The following PCDHA2 variants were observed in gnomAD, a reference collection of about 807,000 sequenced individuals.
The protein encoded by PCDHA2 is protocadherin alpha-2.
Under a neutral mutation model 66.0 loss-of-function variants are expected in PCDHA2, and 58 were observed. The observed-to-expected ratio is 0.88, with a 90% CI of 0.71 to 1.09. The LOEUF (loss-of-function observed/expected upper bound fraction) is 1.09, where lower values mean the gene tolerates loss of function less well. Among genes scored for constraint, PCDHA2 ranks in the 50% least tolerant of loss-of-function variants. PCDHA2 has a pLI of 0.00. For synonymous variants in PCDHA2, 634 were observed against 554.0 expected (o/e 1.14, Z -2.03); for missense variants, 1,267 against 1,242.3 (o/e 1.02, Z -0.30).
At chr5:141,005,469 C>T (rs549630927) in intron 3 of PCDHA2, among the ~76,000 whole-genome samples, 2 of 151,656 alleles carry the variant, frequency 1.3e-5, no homozygotes, top group South Asian at 2.1e-4. Flanking sequence ...TTTGGGAGGC[C>T]GAGACGGGCG....
At chr5:140,942,139 A>C (rs1211983428) in intron 1 of PCDHA2, among the ~76,000 whole-genome samples, 1 of 152,248 alleles carries the variant, frequency 6.6e-6, no homozygotes, top group Non-Finnish European at 1.5e-5. Context: ...TTGTGGCTTT[A>C]CTTGACATAA....
chr5:140,930,092 A>G (rs1554207604), intron 1 of PCDHA2: 1 of 152,204 alleles, frequency 6.6e-6, no homozygotes, highest in East Asian at 1.9e-4. Context: ...ACATCTATTT[A>G]TACTGATAGG....
At chr5:140,955,460 C>G (rs1051253944) in intron 1 of PCDHA2, among the ~76,000 whole-genome samples, 2 of 152,000 alleles carry the variant, frequency 1.3e-5, no homozygotes, top group Non-Finnish European at 2.9e-5. Flanking sequence ...GGGCTTTTTC[C>G]TTTTTGCTTG....
chr5:140,822,567 C>T (rs147998337), intron 1 of PCDHA2: 43 of 1,612,542 alleles, frequency 2.7e-5, no homozygotes, highest in African/African-American at 4.0e-5. Flanking sequence ...TTAAACTGAA[C>T]GCCTCAGATG....
At chr5:140,877,526 G>T (rs1554169807) in intron 1 of PCDHA2, 2 of 1,613,676 alleles carry the variant, frequency 1.2e-6, no homozygotes, top group African/African-American at 2.7e-5. Context: ...GCCTCAGTGG[G>T]CGCTGTGGAT....
At chr5:140,955,990 T>C (rs246015) in intron 1 of PCDHA2, among the ~76,000 whole-genome samples, 48,106 of 152,064 alleles carry the variant, frequency 0.32, 7,958 homozygotes, top group East Asian at 0.53. Context: ...TTTTTGCACA[T>C]TGATTTTGTA....
chr5:140,910,022 C>G (rs2074840302), intron 1 of PCDHA2, among the ~76,000 whole-genome samples: 1 of 152,174 alleles, frequency 6.6e-6, no homozygotes, highest in South Asian at 2.1e-4. Context: ...CCTTGTATCC[C>G]TGGGATAAAT....
chr5:140,865,866 C>G (rs1004604196), intron 1 of PCDHA2: 1 of 152,128 alleles, frequency 6.6e-6, no homozygotes, highest in Non-Finnish European at 1.5e-5. Context: ...AACATGGTCT[C>G]GGCTAGGAAA....
rs1459343581 is a variant in PCDHA2 at position 141,012,230 on chromosome 5, A to G, written c.*2293A>G. 1.3e-5 allele frequency: 2 copies of G among 153,766 alleles called. No individual in the cohort carries two copies. The highest frequency in any genetic ancestry group is 6.5e-5 in the Admixed American group (1 of 15,278). 9.5% of individuals were successfully genotyped at this position (153,766 alleles called of 1,614,324 possible). On this transcript the variant is annotated 3_prime_UTR_variant, in exon 4 of 4. Transcript: ENST00000526136. ...ACATTTGCGAAGTGCTTTCCAATCC[A>G]TGTTAGTTACTAGTTATTACAGCTG...
chr5:140,875,675 C>G, intron 1 of PCDHA2: 8 of 1,613,858 alleles, frequency 5.0e-6, no homozygotes, highest in Non-Finnish European at 6.8e-6. Context: ...CGGGTGGCGT[C>G]CAAAAGACAC....
chr5:140,814,945 C>T (rs1300851888), intron 1 of PCDHA2: 1 of 152,130 alleles, frequency 6.6e-6, no homozygotes, highest in Non-Finnish European at 1.5e-5. Context: ...TAATGTCCTT[C>T]TTTGTCTCTT....
rs1554120151 is a variant in PCDHA2 at position 140,796,845 on chromosome 5, C to T, written c.1881C>T (p.Tyr627=). 1.8e-5 allele frequency: 29 copies of T among 1,614,098 alleles called. No homozygotes were observed. The highest frequency in any genetic ancestry group is 2.5e-5 in the Non-Finnish European group (29 of 1,179,980). Residue 627 remains tyrosine, a synonymous_variant, in exon 1 of 4, where the codon TAC becomes TAT. Transcript: ENST00000526136. ...SARIPFRVGL[Y]TGEISTTRAL... ...GCATCCCGTTCCGCGTGGGGCTATA[C>T]ACGGGTGAGATCAGCACGACACGTG...
intron 1 of PCDHA2, chr5:140,853,382 A>C: frequency 1.0e-6 from 1 of 985,900 alleles, no homozygotes; most frequent in Non-Finnish European, 1.2e-6. Context: ...TAAAATTCAA[A>C]ACAGCCTGTC....
intron 1 of PCDHA2, chr5:140,836,266 C>A: frequency 6.2e-7 from 1 of 1,613,806 alleles, no homozygotes. Context: ...GGGCTGTACA[C>A]TGGTGAGATC....
chr5:141,005,118 C>T (rs546410334), intron 3 of PCDHA2, among the ~76,000 whole-genome samples: 1 of 152,198 alleles, frequency 6.6e-6, no homozygotes, highest in South Asian at 2.1e-4. Flanking sequence ...CTTTAGGGAC[C>T]CCAAAAGTGC....
intron 3 of PCDHA2, among the ~76,000 whole-genome samples, chr5:140,994,044 G>C (rs782758789): frequency 9.9e-5 from 15 of 152,240 alleles, no homozygotes; most frequent in Middle Eastern, 3.4e-3. Flanking sequence ...ATATAACACA[G>C]TCCTGCCCTT....
At chr5:140,983,992 C>A (rs2097080247) in intron 3 of PCDHA2, among the ~76,000 whole-genome samples, 1 of 152,200 alleles carries the variant, frequency 6.6e-6, no homozygotes, top group Non-Finnish European at 1.5e-5. Flanking sequence ...TGAAGCAATT[C>A]ATTAGAGAGC....
intron 1 of PCDHA2, chr5:140,868,480 T>G (rs1562616906): frequency 6.6e-6 from 1 of 152,316 alleles, no homozygotes. Flanking sequence ...AAACTTCAAT[T>G]TTTTCTTTGA....
intron 1 of PCDHA2, chr5:140,843,591 G>A (rs2150363188): frequency 6.3e-7 from 1 of 1,596,134 alleles, no homozygotes; most frequent in Admixed American, 1.7e-5. Flanking sequence ...CAGCCGCAGA[G>A]GGTGTGCTCT....
Sources: gnomAD v4.1 joint callset for allele counts (sites outside exome capture counted in the v4.1 genomes callset) on GRCh38, gnomAD v4.1.1 for gene constraint, MANE v1.5 for transcripts, NCBI Gene and HGNC (gene_info 2026-07-23, HGNC 2026-07-21) for gene names.